The following C6orf89 variants were observed in gnomAD, a reference collection of about 807,000 sequenced individuals.
The protein encoded by C6orf89 is chromosome 6 open reading frame 89.
C6orf89 carries 29 observed loss-of-function variants against 40.7 expected under a neutral mutation model. That is an observed-to-expected ratio of 0.71 (90% CI 0.53 to 0.97). C6orf89 has a LOEUF of 0.97. Among genes scored for constraint, C6orf89 ranks in the 50% least tolerant of loss-of-function variants. The pLI is 0.00. For missense variants in C6orf89, 392 were observed against 429.1 expected, an observed-to-expected ratio of 0.91 and a Z score of 0.76; for synonymous variants, 165 against 152.2, an observed-to-expected ratio of 1.08 and a Z score of -0.62.
At chr6:36,874,929 T>A in intron 1 of C6orf89, 1 of 751,184 alleles carries the variant, frequency 1.3e-6, no homozygotes, top group Non-Finnish European at 2.2e-6. Flanking sequence ...CTTCTTCCAA[T>A]GCCGGGAAGC....
intron 4 of C6orf89, among the ~76,000 whole-genome samples, chr6:36,903,839 T>G (rs185961090): frequency 9.2e-4 from 140 of 152,240 alleles, no homozygotes; most frequent in African/African-American, 3.0e-3. Context: ...GAATTCCACC[T>G]CAGGAGTTTT....
intron 7 of C6orf89, among the ~76,000 whole-genome samples, chr6:36,919,162 C>T (rs1762424675): frequency 6.6e-6 from 1 of 152,222 alleles, no homozygotes; most frequent in African/African-American, 2.4e-5. Flanking sequence ...ATACTTCAGC[C>T]ACCATGTGCT....
chr6:36,892,730 A>G (rs1200522226), intron 1 of C6orf89: 1 of 152,174 alleles, frequency 6.6e-6, no homozygotes, highest in Non-Finnish European at 1.5e-5. Flanking sequence ...TTTGATCCTA[A>G]TAACTCCACT....
At chr6:36,889,350 A>G (rs1203697034) in intron 1 of C6orf89, among the ~76,000 whole-genome samples, 1 of 152,232 alleles carries the variant, frequency 6.6e-6, no homozygotes, top group East Asian at 1.9e-4. Context: ...TAATAAATGA[A>G]TGGAAACCTG....
At chr6:36,911,937 C>G (rs1333778209) in intron 4 of C6orf89, among the ~76,000 whole-genome samples, 2 of 147,550 alleles carry the variant, frequency 1.4e-5, no homozygotes, top group African/African-American at 4.9e-5. Context: ...TGAACCCCCC[C>G]CCCCCGACCT....
intron 2 of C6orf89, among the ~76,000 whole-genome samples, chr6:36,879,469 G>A (rs550750665): frequency 6.6e-6 from 1 of 152,304 alleles, no homozygotes; most frequent in Non-Finnish European, 1.5e-5. Context: ...AGGCTGGCAT[G>A]CCAGCAAAAG....
At chr6:36,898,443 C>G (rs1400969127) in intron 2 of C6orf89, among the ~76,000 whole-genome samples, 3 of 151,990 alleles carry the variant, frequency 2.0e-5, no homozygotes, top group Non-Finnish European at 4.4e-5. Flanking sequence ...CCATGCCAGG[C>G]TAATTTAGTA....
At chr6:36,886,383 A>G (rs1048584637) in intron 1 of C6orf89, among the ~76,000 whole-genome samples, 5 of 152,214 alleles carry the variant, frequency 3.3e-5, no homozygotes, top group Non-Finnish European at 7.3e-5. Context: ...TAAGAAATTA[A>G]GAGTAGATTC....
intron 1 of C6orf89, chr6:36,874,837 C>T (rs1489494426): frequency 3.2e-6 from 5 of 1,559,896 alleles, no homozygotes; most frequent in Non-Finnish European, 4.4e-6. Flanking sequence ...AGCTGGGGAC[C>T]CGTCGCTGCT....
chr6:36,917,919 C>G (rs566563554), intron 7 of C6orf89, among the ~76,000 whole-genome samples: 1 of 152,194 alleles, frequency 6.6e-6, no homozygotes, highest in South Asian at 2.1e-4. Flanking sequence ...CAAATGCTTA[C>G]GAGAGTCATG....
intron 2 of C6orf89, among the ~76,000 whole-genome samples, chr6:36,895,973 C>G (rs1478212968): frequency 6.6e-6 from 1 of 152,178 alleles, no homozygotes; most frequent in Non-Finnish European, 1.5e-5. Flanking sequence ...TCCTCCATGT[C>G]CTTACCAACA....
intron 2 of C6orf89, among the ~76,000 whole-genome samples, chr6:36,897,165 G>T (rs1002821256): frequency 6.7e-6 from 1 of 149,308 alleles, no homozygotes; most frequent in Non-Finnish European, 1.5e-5. Flanking sequence ...AAGAAAGAAA[G>T]GTCCAACTTC....
intron 4 of C6orf89, among the ~76,000 whole-genome samples, chr6:36,911,090 C>A (rs1363622390): frequency 1.8e-4 from 27 of 152,258 alleles, no homozygotes; most frequent in Non-Finnish European, 2.9e-5. Flanking sequence ...CTTTCTTTTT[C>A]TTTCTTGATT....
At chr6:36,923,276 C>T (rs1476048590) in intron 8 of C6orf89, 71 bp from the exon 9 acceptor site, 27 of 1,142,518 alleles carry the variant, frequency 2.4e-5, no homozygotes, top group Middle Eastern at 2.7e-4. Flanking sequence ...GGCAGACCTG[C>T]CTTGCTCGTG....
upstream of C6orf89, chr6:36,883,465 A>AT (rs1265081117): frequency 2.6e-5 from 4 of 152,112 alleles, no homozygotes; most frequent in East Asian, 7.7e-4. Flanking sequence ...ATCTTTGAAT[A>AT]TTTTTTCCTT....
intron 3 of C6orf89, among the ~76,000 whole-genome samples, chr6:36,900,179 G>A (rs1218491843): frequency 6.8e-6 from 1 of 147,886 alleles, no homozygotes; most frequent in East Asian, 2.0e-4. Flanking sequence ...GAGCCACCAC[G>A]CCTGGCCTTG....
At chr6:36,897,129 C>CAAAAAAAAA (rs34191608) in intron 2 of C6orf89, among the ~76,000 whole-genome samples, 110 of 85,202 alleles carry the variant, frequency 1.3e-3, no homozygotes, top group Non-Finnish European at 1.8e-3. Flanking sequence ...GACTCTGTCT[C>CAAAAAAAAA]AAAAAAAAAA....
chr6:36,901,642 G>GTAT (rs1037617539), intron 3 of C6orf89, among the ~76,000 whole-genome samples: 10 of 142,980 alleles, frequency 7.0e-5, no homozygotes, highest in East Asian at 4.3e-4. Flanking sequence ...CCCCCTTTGT[G>GTAT]TATTATTATT....
intron 3 of C6orf89, among the ~76,000 whole-genome samples, chr6:36,899,890 G>A (rs1303124337): frequency 2.0e-5 from 3 of 152,006 alleles, no homozygotes; most frequent in Non-Finnish European, 4.4e-5. Flanking sequence ...TTTGTTTGTT[G>A]TGTGTGTGTG....
Sources: allele counts gnomAD v4.1 joint callset (sites outside exome capture counted in the v4.1 genomes callset), GRCh38; gene constraint gnomAD v4.1.1; transcripts MANE v1.5; gene names NCBI Gene and HGNC (gene_info 2026-07-23, HGNC 2026-07-21).